SMARCAD1: variants seen among roughly 807,000 people sequenced by gnomAD.
SMARCAD1 encodes SNF2 related chromatin remodeling ATPase with DExD box 1.
In SMARCAD1, 25 loss-of-function variants were observed where a neutral mutation model predicts 127.1. The ratio of observed to expected loss-of-function variants is 0.20; its 90% CI spans 0.14 to 0.27. The LOEUF (loss-of-function observed/expected upper bound fraction) is 0.27, where lower values mean the gene tolerates loss of function less well. SMARCAD1 is among the 10% of genes least tolerant of loss of function. The probability of loss-of-function intolerance (pLI) is 1.00; values close to 1 mark genes in which losing one functional copy is unlikely to be tolerated. For missense variants in SMARCAD1, 807 were observed against 1,206.0 expected (o/e 0.67, Z 4.90); for synonymous variants, 400 against 396.9 (o/e 1.01, Z -0.09).
intron 6 of SMARCAD1, among the ~76,000 whole-genome samples, chr4:94,245,162 AAC>A (rs1748224539): frequency 6.6e-6 from 1 of 152,202 alleles, no homozygotes; most frequent in South Asian, 2.1e-4. Context: ...ATCTAAGAAA[AAC>A]AGTTTGGACT....
chr4:94,208,416 C>T lies in SMARCAD1; in HGVS notation c.22C>T (p.Arg8Cys), dbSNP rs1351299800. 1 of 1,614,042 alleles carries T rather than the reference C, an allele frequency of 6.2e-7. No individual in the cohort carries two copies. Among genetic ancestry groups the T allele is most frequent in the Non-Finnish European group, 8.5e-7 (1 of 1,180,030 alleles). Residue 8 changes from arginine to cysteine, a missense_variant, in exon 2 of 24, where the codon CGT becomes TGT. Arg to Cys is a radical substitution (Grantham distance 180). This residue lies in a region of SMARCAD1 where 175 missense variants were observed against 169.5 expected (regional missense o/e 1.03). Coordinates refer to ENST00000354268, the MANE Select transcript of SMARCAD1 (RefSeq NM_020159.5). ...CAATATGAATCTTTTCAACCTGGAC[C>T]GTTTTCGCTTTGAGAAAAGGAATAA... MNLFNLD[R>C]FRFEKRNKIE...
At chr4:94,237,459 A>T (rs2883) in intron 5 of SMARCAD1, among the ~76,000 whole-genome samples, 82,507 of 150,670 alleles carry the variant, frequency 0.55, 23,117 homozygotes, top group East Asian at 0.72. Context: ...TCCAGTTTTT[A>T]AATAAATGCT....
chr4:94,228,181 A>G (rs1435035537), intron 3 of SMARCAD1, among the ~76,000 whole-genome samples: 1 of 152,172 alleles, frequency 6.6e-6, no homozygotes, highest in African/African-American at 2.4e-5. Flanking sequence ...CTCCAAGATA[A>G]AATGTAGTGA....
At chr4:94,240,078 CAT>C (rs1337766962) in intron 5 of SMARCAD1, among the ~76,000 whole-genome samples, 2 of 152,056 alleles carry the variant, frequency 1.3e-5, no homozygotes, top group Non-Finnish European at 2.9e-5. Context: ...TTTAAGCTGA[CAT>C]GTATGTATGT....
At chr4:94,247,254 A>T (rs1033903742) in intron 6 of SMARCAD1, among the ~76,000 whole-genome samples, 1 of 152,204 alleles carries the variant, frequency 6.6e-6, no homozygotes, top group Non-Finnish European at 1.5e-5. Context: ...TCCAACTATG[A>T]TTCTGGAGAT....
At chr4:94,282,971 C>G in intron 21 of SMARCAD1, 150 bp from the exon 22 acceptor site, 1 of 648,918 alleles carries the variant, frequency 1.5e-6, no homozygotes, top group Non-Finnish European at 2.6e-6. Flanking sequence ...GGAGGCTCTT[C>G]AGTGATATAG....
chr4:94,284,136 A>G (rs1330658491), intron 22 of SMARCAD1, among the ~76,000 whole-genome samples: 2 of 150,338 alleles, frequency 1.3e-5, no homozygotes, highest in Non-Finnish European at 3.0e-5. Context: ...TCTGGCTAAC[A>G]TGGTGAAACC....
rs187303032 is a variant in SMARCAD1, at chr4:94,217,930, C to T, written c.191-8189C>T. Among the ~76,000 whole-genome samples, 15 of 152,296 alleles carry T rather than the reference C, an allele frequency of 9.8e-5. No homozygotes were observed. The East Asian group carries it at 2.9e-3, about 29-fold the overall frequency. On this transcript the variant is annotated intron_variant, in intron 2 of 23. Transcript: ENST00000354268. ...TTTTCTTTCAGTTACACTTGCAAAT[C>T]TAACAATCTGTGTGCTTAGTATCAT...
intron 10 of SMARCAD1, 58 bp downstream of exon 10, chr4:94,264,964 ATT>A: frequency 6.6e-7 from 1 of 1,513,206 alleles, no homozygotes; most frequent in Non-Finnish European, 9.1e-7. Flanking sequence ...AAATATCTGA[ATT>A]TATTTCTGTA....
At chr4:94,253,560 A>G in intron 9 of SMARCAD1, 1 of 1,093,770 alleles carries the variant, frequency 9.1e-7, no homozygotes, top group Non-Finnish European at 1.1e-6. Flanking sequence ...TGGTTAAGCA[A>G]CGTGGCCATT....
At position 94,216,450 on chromosome 4, in the gene SMARCAD1, A is replaced by T. The variant is rs185675535; in HGVS notation, c.190+7866A>T. On this transcript the variant is annotated intron_variant, in intron 2 of 23. Coordinates refer to ENST00000354268, the MANE Select transcript of SMARCAD1 (RefSeq NM_020159.5). ...TTCCTCTAGTATGTCTGTTAATTTT[A>T]AAAATTATGATAAAATACACATAAG... Among the ~76,000 whole-genome samples, 15 of 152,288 alleles carry T rather than the reference A, an allele frequency of 9.8e-5. No homozygotes were observed. In the East Asian group the frequency reaches 2.9e-3, roughly 29 times the overall value.
At chr4:94,266,348 A>C (rs1284354969) in intron 10 of SMARCAD1, among the ~76,000 whole-genome samples, 2 of 152,166 alleles carry the variant, frequency 1.3e-5, no homozygotes, top group African/African-American at 4.8e-5. Context: ...TTACTTGTAA[A>C]TAGTTTGATC....
At chr4:94,243,342 T>C (rs1560533245) in intron 6 of SMARCAD1, among the ~76,000 whole-genome samples, 1 of 152,194 alleles carries the variant, frequency 6.6e-6, no homozygotes, top group Non-Finnish European at 1.5e-5. Flanking sequence ...CATCTGCACA[T>C]GCAATTTATT....
At position 94,208,593 on chromosome 4, in the gene SMARCAD1, CA is replaced by C; in HGVS notation, c.190+11del. ...TATAACTGAAAAAACAGGTGAGTTA[CA>C]ATGTTAAAATTGATGTAACATCAAG... On this transcript the variant is annotated intron_variant, in intron 2 of 23. Transcript: ENST00000354268. 6.2e-7 allele frequency: 1 copy of C among 1,612,690 alleles called. No individual in the cohort carries two copies. Among genetic ancestry groups the C allele is most frequent in the Non-Finnish European group, 8.5e-7 (1 of 1,178,856 alleles).
At chr4:94,238,403 ACTT>A (rs1229689932) in intron 5 of SMARCAD1, among the ~76,000 whole-genome samples, 1 of 152,110 alleles carries the variant, frequency 6.6e-6, no homozygotes, top group Non-Finnish European at 1.5e-5. Context: ...AATGTATACT[ACTT>A]CTTATGGTGC....
chr4:94,275,796 C>CTTTTTTTTTTTT lies in SMARCAD1; in HGVS notation c.1809-536_1809-525dup, dbSNP rs535710589. On this transcript the variant is annotated intron_variant, in intron 14 of 23. Coordinates refer to ENST00000354268, the MANE Select transcript of SMARCAD1 (RefSeq NM_020159.5). ...TGTCCGATTGTAACATTAACATTTT[C>CTTTTTTTTTTTT]TTTTTTTTTTTTTTTTTTGAGACGG... Among the ~76,000 whole-genome samples, 228 of 85,322 alleles carry CTTTTTTTTTTTT rather than the reference C, an allele frequency of 2.7e-3. 4 individuals carry two copies. The highest frequency in any genetic ancestry group is 4.1e-3 in the Non-Finnish European group (161 of 39,016). The allele number at this position is 85,322 out of a possible 152,430, so 56.0% of individuals were successfully genotyped here. A position where few individuals can be genotyped will look rare whatever the true frequency, so the allele number is the denominator to read the frequency against.
At chr4:94,214,098 A>C (rs1034553066) in intron 2 of SMARCAD1, among the ~76,000 whole-genome samples, 2 of 152,156 alleles carry the variant, frequency 1.3e-5, no homozygotes, top group African/African-American at 4.8e-5. Context: ...ATCAGTGACC[A>C]GTTTCCTTGG....
chr4:94,208,969 G>A (rs1304827408), intron 2 of SMARCAD1, among the ~76,000 whole-genome samples: 1 of 152,152 alleles, frequency 6.6e-6, no homozygotes, highest in East Asian at 1.9e-4. Flanking sequence ...ATCATCTACT[G>A]TGAGCTAGAC....
intron 23 of SMARCAD1, among the ~76,000 whole-genome samples, chr4:94,288,433 T>G (rs1755258650): frequency 6.6e-6 from 1 of 152,150 alleles, no homozygotes; most frequent in South Asian, 2.1e-4. Context: ...ATATAGTAAT[T>G]TATGAAGTGT....
Sources: allele counts gnomAD v4.1 joint callset (sites outside exome capture counted in the v4.1 genomes callset), GRCh38; gene constraint gnomAD v4.1.1; regional missense constraint gnomAD v4.1.1; transcripts MANE v1.5; gene names NCBI Gene and HGNC (gene_info 2026-07-23, HGNC 2026-07-21).